The following STAG1 variants were observed in gnomAD, a reference collection of about 807,000 sequenced individuals.
The protein encoded by STAG1 is STAG1 cohesin complex component, also known as cohesin subunit SA-1.
Under a neutral mutation model 170.9 loss-of-function variants are expected in STAG1, and 26 were observed. The ratio of observed to expected loss-of-function variants is 0.15; its 90% confidence interval spans 0.11 to 0.21. The LOEUF (loss-of-function observed/expected upper bound fraction) is 0.21. Among genes scored for constraint, STAG1 ranks in the 10% least tolerant of loss-of-function variants. STAG1 has a pLI of 1.00. For synonymous variants in STAG1, 514 were observed against 497.7 expected, an observed-to-expected ratio of 1.03 and a Z score of -0.44; for missense variants, 964 against 1,509.5, an observed-to-expected ratio of 0.64 and a Z score of 5.99.
intron 1 of STAG1, among the ~76,000 whole-genome samples, chr3:136,751,960 G>T (rs1459786519): frequency 1.3e-5 from 2 of 150,778 alleles, no homozygotes; most frequent in Non-Finnish European, 3.0e-5. Flanking sequence ...TGCCCACCGC[G>T]CCCACAGACG....
At chr3:136,586,820 C>T (rs752510496) in intron 4 of STAG1, 3 of 456,378 alleles carry the variant, frequency 6.6e-6, no homozygotes, top group African/African-American at 6.0e-5. Flanking sequence ...GTGGTAAGTT[C>T]CCATCAATGG....
At chr3:136,676,626 T>C (rs562772531) in intron 1 of STAG1, among the ~76,000 whole-genome samples, 1 of 152,254 alleles carries the variant, frequency 6.6e-6, no homozygotes, top group South Asian at 2.1e-4. Flanking sequence ...TTAAATTTTG[T>C]ATTTGTGGAG....
intron 5 of STAG1, among the ~76,000 whole-genome samples, chr3:136,561,789 A>G (rs1936851893): frequency 6.6e-6 from 1 of 150,898 alleles, no homozygotes; most frequent in South Asian, 2.1e-4. Flanking sequence ...ATTTCCCTTG[A>G]GCATGACGCT....
At chr3:136,744,056 C>T (rs771192979) in intron 1 of STAG1, among the ~76,000 whole-genome samples, 29 of 152,236 alleles carry the variant, frequency 1.9e-4, no homozygotes, top group Non-Finnish European at 3.2e-4. Context: ...TGGCTGGCCA[C>T]GTGGCTCACG....
In STAG1 at chr3:136,498,267, CACACACCA is replaced by C. The variant is rs144797327; in HGVS notation, c.902+1948_902+1955del. ...ATATACATACACACACACACACACACACACACCACACACACATACACACACACACACAC... is the reference window on the plus strand; with the variant it reads ...ATATACATACACACACACACACACACCACACACATACACACACACACACAC... On this transcript the variant is annotated intron_variant, in intron 9 of 33. Transcript: ENST00000383202. Among the ~76,000 whole-genome samples the C allele has an allele frequency of 4.4e-4, 25 of 56,672 alleles. No individual in the cohort carries two copies. In the South Asian group the frequency reaches 5.0e-3, roughly 11 times the overall value. 37.2% of individuals were successfully genotyped at this position (56,672 alleles called of 152,430 possible).
At chr3:136,583,178 TA>T (rs1218421218) in intron 4 of STAG1, among the ~76,000 whole-genome samples, 23 of 152,192 alleles carry the variant, frequency 1.5e-4, no homozygotes, top group Non-Finnish European at 2.9e-4. Context: ...AAGATTAAAT[TA>T]AAAAATTAAT....
chr3:136,379,986 CAGTT>C (rs754715070), intron 22 of STAG1, among the ~76,000 whole-genome samples: 1 of 150,156 alleles, frequency 6.7e-6, no homozygotes, highest in Non-Finnish European at 1.5e-5. Context: ...TGGAATAGGC[CAGTT>C]AGAGTAGTCA....
intron 24 of STAG1, among the ~76,000 whole-genome samples, chr3:136,367,595 T>G (rs998308845): frequency 3.3e-5 from 5 of 152,158 alleles, no homozygotes; most frequent in African/African-American, 1.2e-4. Flanking sequence ...TCAATATTCC[T>G]TATGTGTTAA....
chr3:136,613,898 C>T (rs935494686), intron 3 of STAG1, among the ~76,000 whole-genome samples: 1 of 152,186 alleles, frequency 6.6e-6, no homozygotes, highest in Non-Finnish European at 1.5e-5. Context: ...ATGGTAACCA[C>T]TATCCCCAAA....
intron 1 of STAG1, among the ~76,000 whole-genome samples, chr3:136,642,626 T>C (rs748586246): frequency 1.1e-4 from 16 of 152,196 alleles, no homozygotes; most frequent in Non-Finnish European, 2.2e-4. Context: ...CCAGATAATT[T>C]TGTATGGGAA....
chr3:136,499,626 GTAGT>G (rs1933358378), intron 9 of STAG1: 1 of 152,440 alleles, frequency 6.6e-6, no homozygotes, highest in South Asian at 2.1e-4. Flanking sequence ...CTTTTACAAT[GTAGT>G]TAGTGTTTTT....
intron 7 of STAG1, 52 bp from the exon 8 acceptor site, chr3:136,502,831 T>A: frequency 7.3e-7 from 1 of 1,365,600 alleles, no homozygotes; most frequent in Non-Finnish European, 9.6e-7. Context: ...TTTATCCATA[T>A]AAGATTACAA....
chr3:136,402,984 T>C (rs1489279974), intron 21 of STAG1, among the ~76,000 whole-genome samples: 2 of 151,242 alleles, frequency 1.3e-5, no homozygotes, highest in African/African-American at 2.4e-5. Context: ...TCCCAGCACT[T>C]TGGGAGGCCG....
At position 136,605,427 on chromosome 3, in the gene STAG1, C is replaced by T. The variant is rs2107809622; in HGVS notation, c.133-954G>A. Among the ~76,000 whole-genome samples, 4 of 152,298 alleles carry T rather than the reference C, an allele frequency of 2.6e-5. No homozygotes were observed. In the South Asian group the frequency reaches 8.3e-4, roughly 32 times the overall value. ...ATTCATACATTCATTCATTCACATA[C>T]AAACTCATTCTACAGTTGCTACTTC... On this transcript the variant is annotated intron_variant, in intron 3 of 33. Transcript: ENST00000383202.
rs191027339 is a variant in STAG1 at position 136,744,537 on chromosome 3, A to G, written c.-84+7658T>C. 4.6e-5 allele frequency among the ~76,000 whole-genome samples: 7 copies of G among 152,226 alleles called. No homozygotes were observed. The East Asian group carries it at 1.4e-3, about 29-fold the overall frequency. ...ATTATCAGACTTTTAATGCTTGTCA[A>G]TCTGATGGAAGTGAAATGGTTTCTT... On this transcript the variant is annotated intron_variant, in intron 1 of 33. Transcript: ENST00000383202.
intron 3 of STAG1, among the ~76,000 whole-genome samples, chr3:136,620,942 T>C (rs916725609): frequency 3.3e-5 from 5 of 152,136 alleles, no homozygotes; most frequent in South Asian, 2.1e-4. Flanking sequence ...AAGCACAACA[T>C]TGGTGAAACC....
chr3:136,702,053 C>T (rs1206810252), intron 1 of STAG1, among the ~76,000 whole-genome samples: 2 of 144,412 alleles, frequency 1.4e-5, no homozygotes, highest in Non-Finnish European at 3.0e-5. Flanking sequence ...GCTAGGACTA[C>T]AGGCATGCAC....
intron 4 of STAG1, among the ~76,000 whole-genome samples, chr3:136,586,234 A>G (rs113221563): frequency 1.3e-4 from 14 of 105,294 alleles, no homozygotes; most frequent in Non-Finnish European, 2.0e-4. Context: ...ATAATCCTTT[A>G]TGTGTGTGTA....
chr3:136,493,985 G>A (rs111569317), intron 9 of STAG1, among the ~76,000 whole-genome samples: 12 of 152,234 alleles, frequency 7.9e-5, no homozygotes, highest in African/African-American at 2.4e-4. Context: ...AAAATCTGGC[G>A]GTGTGCAGGG....
Sources: gnomAD v4.1 joint callset for allele counts (sites outside exome capture counted in the v4.1 genomes callset) on GRCh38, gnomAD v4.1.1 for gene constraint, MANE v1.5 for transcripts, NCBI Gene and HGNC (gene_info 2026-07-23, HGNC 2026-07-21) for gene names.